The following CA10 variants were observed in gnomAD, a reference collection of about 807,000 sequenced individuals.
CA10 encodes carbonic anhydrase 10 (inactive).
In CA10, 14 loss-of-function variants were observed where a neutral mutation model predicts 44.2. That is an observed-to-expected ratio of 0.32 (90% CI 0.21 to 0.50). The LOEUF (loss-of-function observed/expected upper bound fraction) is 0.50. Among genes scored for constraint, CA10 ranks in the 20% least tolerant of loss-of-function variants. The pLI is 0.99. For synonymous variants in CA10, 159 were observed against 141.6 expected (o/e 1.12, Z -0.87); for missense variants, 350 against 409.7 (o/e 0.85, Z 1.26).
intron 2 of CA10, among the ~76,000 whole-genome samples, chr17:51,965,344 T>C (rs1377082896): frequency 6.6e-6 from 1 of 151,844 alleles, no homozygotes; most frequent in Non-Finnish European, 1.5e-5. Flanking sequence ...TTTCAAGAAA[T>C]CAAGGAGGAA....
intron 3 of CA10, among the ~76,000 whole-genome samples, chr17:51,810,266 T>C (rs1369023011): frequency 6.6e-6 from 1 of 152,250 alleles, no homozygotes; most frequent in Non-Finnish European, 1.5e-5. Context: ...GTCTGATTTC[T>C]AGCTGAATTC....
intron 1 of CA10, among the ~76,000 whole-genome samples, chr17:52,144,253 G>A (rs1989538276): frequency 6.6e-6 from 1 of 152,146 alleles, no homozygotes; most frequent in African/African-American, 2.4e-5. Context: ...GGTAAATAGT[G>A]TATCTTTTAT....
intron 2 of CA10, among the ~76,000 whole-genome samples, chr17:52,060,256 CAAA>C (rs1987345476): frequency 6.6e-6 from 1 of 152,028 alleles, no homozygotes. Flanking sequence ...CAGTATTTCT[CAAA>C]ACTGTCAGTC....
intron 3 of CA10, among the ~76,000 whole-genome samples, chr17:51,849,671 C>T (rs1426144233): frequency 2.0e-5 from 3 of 152,182 alleles, no homozygotes; most frequent in Non-Finnish European, 2.9e-5. Context: ...GAGTCTGCCT[C>T]ATAGAAGAAA....
chr17:51,987,521 T>A (rs2144097955), intron 2 of CA10, among the ~76,000 whole-genome samples: 1 of 151,776 alleles, frequency 6.6e-6, no homozygotes, highest in East Asian at 1.9e-4. Context: ...CAATAACTTG[T>A]GGAAATAAAA....
intron 3 of CA10, among the ~76,000 whole-genome samples, chr17:51,872,478 G>A (rs1423510356): frequency 1.3e-5 from 2 of 152,086 alleles, no homozygotes; most frequent in African/African-American, 4.8e-5. Flanking sequence ...ACAAACCTAC[G>A]GTGTTCTTCC....
chr17:52,136,624 G>A (rs1989364847), intron 1 of CA10, among the ~76,000 whole-genome samples: 2 of 152,162 alleles, frequency 1.3e-5, no homozygotes, highest in Non-Finnish European at 2.9e-5. Context: ...GTGGGTGCTT[G>A]ATGAGCTTTG....
At chr17:51,686,386 A>G (rs564635572) in intron 4 of CA10, among the ~76,000 whole-genome samples, 1 of 152,286 alleles carries the variant, frequency 6.6e-6, no homozygotes, top group East Asian at 1.9e-4. Flanking sequence ...TCTCTTCTTC[A>G]GCCTCACTAT....
intron 2 of CA10, among the ~76,000 whole-genome samples, chr17:51,999,363 G>T (rs8081321): frequency 6.6e-6 from 1 of 152,032 alleles, no homozygotes; most frequent in Non-Finnish European, 1.5e-5. Context: ...AGCTAAGTTG[G>T]AATTTTGTTT....
At chr17:51,660,362 T>C (rs147785800) in intron 4 of CA10, among the ~76,000 whole-genome samples, 8 of 152,186 alleles carry the variant, frequency 5.3e-5, no homozygotes, top group Non-Finnish European at 8.8e-5. Context: ...CTGAAAACCA[T>C]TGGCCTTTGG....
At chr17:51,829,380 C>A (rs1908145118) in intron 3 of CA10, among the ~76,000 whole-genome samples, 1 of 152,186 alleles carries the variant, frequency 6.6e-6, no homozygotes, top group East Asian at 1.9e-4. Context: ...GTTACAGAAA[C>A]TGAACAGTGA....
At position 52,067,453 on chromosome 17, in the gene CA10, T is replaced by A. The variant is rs539864967; in HGVS notation, c.136+4866A>T. Among the ~76,000 whole-genome samples the A allele has an allele frequency of 3.9e-5, 6 of 152,310 alleles. No individual in the cohort carries two copies. The Middle Eastern group carries it at 0.014, about 345-fold the overall frequency. Reference sequence around the variant, plus strand: ...ATGTCCAGGCAGAAGTTTGCTGCAGTGGGGAGCCCTCATGGAGAAACTCTG... The same window carrying A: ...ATGTCCAGGCAGAAGTTTGCTGCAGAGGGGAGCCCTCATGGAGAAACTCTG... On this transcript the variant is annotated intron_variant, in intron 2 of 8. Transcript: ENST00000451037.
chr17:51,717,636 CATGTAT>C (rs1916166076), intron 4 of CA10, among the ~76,000 whole-genome samples: 2 of 31,902 alleles, frequency 6.3e-5, no homozygotes, highest in Admixed American at 4.5e-4. Flanking sequence ...CACATATATG[CATGTAT>C]ATATACATAT....
At chr17:51,946,898 C>T (rs1244244290) in intron 2 of CA10, among the ~76,000 whole-genome samples, 1 of 152,056 alleles carries the variant, frequency 6.6e-6, no homozygotes, top group African/African-American at 2.4e-5. Flanking sequence ...GGCATAAATT[C>T]TGAGTGAATG....
chr17:51,913,663 C>T (rs922065784), intron 3 of CA10, among the ~76,000 whole-genome samples: 11 of 113,454 alleles, frequency 9.7e-5, no homozygotes, highest in African/African-American at 1.4e-4. Flanking sequence ...TCCGAATGAC[C>T]GCACCTCCCC....
intron 2 of CA10, among the ~76,000 whole-genome samples, chr17:52,007,229 C>T (rs1359217711): frequency 1.3e-4 from 19 of 151,450 alleles, no homozygotes; most frequent in Admixed American, 1.3e-3. Flanking sequence ...TTCCAATCAA[C>T]CTATAGTTTA....
Position 52,084,065 on chromosome 17 carries a change from G to A in CA10, c.62-11672C>T, listed in dbSNP as rs149159645. On this transcript the variant is annotated intron_variant, in intron 1 of 8. Coordinates refer to ENST00000451037, the MANE Select transcript of CA10 (RefSeq NM_020178.5). Reference sequence around the variant, plus strand: ...ACTTAAAGAGCCTCTGAGGACATTCGTGCCATTTGTGAGTCAAAGTACAGT... The same window carrying A: ...ACTTAAAGAGCCTCTGAGGACATTCATGCCATTTGTGAGTCAAAGTACAGT... Among the ~76,000 whole-genome samples the A allele has an allele frequency of 3.7e-3, 561 of 152,208 alleles. 6 individuals are homozygous for A. Among genetic ancestry groups the A allele is most frequent in the South Asian group, 0.029 (141 of 4,814 alleles).
chr17:51,957,730 C>G (rs1983719212), intron 2 of CA10, among the ~76,000 whole-genome samples: 2 of 152,064 alleles, frequency 1.3e-5, no homozygotes, highest in East Asian at 1.9e-4. Flanking sequence ...GTGCCACACA[C>G]CAGCTATATT....
chr17:52,051,575 A>G (rs1987073795), intron 2 of CA10, among the ~76,000 whole-genome samples: 1 of 152,176 alleles, frequency 6.6e-6, no homozygotes, highest in East Asian at 1.9e-4. Context: ...AATGCAAATC[A>G]AAACCACAAT....
Sources: allele counts gnomAD v4.1 joint callset (sites outside exome capture counted in the v4.1 genomes callset), GRCh38; gene constraint gnomAD v4.1.1; transcripts MANE v1.5; gene names NCBI Gene and HGNC (gene_info 2026-07-23, HGNC 2026-07-21).